Variants in PGAM1 observed in about 807,000 individuals in gnomAD.
The protein encoded by PGAM1 is BPG-dependent PGAM 1.
Under a neutral mutation model 23.5 loss-of-function variants are expected in PGAM1, and 21 were observed. The ratio of observed to expected loss-of-function variants is 0.89; its 90% CI spans 0.63 to 1.29. The LOEUF (loss-of-function observed/expected upper bound fraction) is 1.29. Ranked by LOEUF, PGAM1 falls within the 50% of genes most tolerant of loss-of-function variation. The pLI, the probability that PGAM1 is intolerant of heterozygous loss-of-function variation, is 0.00. For synonymous variants in PGAM1, 109 were observed against 128.6 expected (o/e 0.85, Z 1.03); for missense variants, 232 against 336.3 (o/e 0.69, Z 2.42).
In PGAM1 at chr10:97,426,245, G is replaced by C. The variant is rs904921323; in HGVS notation, c.-63G>C. Reference sequence around the variant, plus strand: ...GTGCGAGCGCGCAGGCGCGGCCGACGGGGCGGGCTGCTACTCCGGAATCTG... The same window carrying C: ...GTGCGAGCGCGCAGGCGCGGCCGACCGGGCGGGCTGCTACTCCGGAATCTG... On this transcript the variant is annotated 5_prime_UTR_variant, in exon 1 of 4. Transcript: ENST00000334828. 5.6e-6 allele frequency: 9 copies of C among 1,607,610 alleles called. No homozygotes were observed. The highest frequency in any genetic ancestry group is 2.2e-5 in the East Asian group (1 of 44,768).
chr10:97,429,484 T>C (rs1337671483), intron 1 of PGAM1, among the ~76,000 whole-genome samples: 3 of 152,206 alleles, frequency 2.0e-5, no homozygotes, highest in Admixed American at 6.5e-5. Flanking sequence ...GACAGATTCA[T>C]TGATGAATCA....
chr10:97,431,058 C>T lies in PGAM1; in HGVS notation c.518C>T (p.Pro173Leu). 2 of 1,614,048 alleles carry T rather than the reference C, an allele frequency of 1.2e-6. No individual in the cohort carries two copies. The highest frequency in any genetic ancestry group is 1.7e-6 in the Non-Finnish European group (2 of 1,179,998). The change falls in exon 3 of 4, where the codon CCC (proline) becomes CTC (leucine). Residue 173 changes from proline (P) to leucine (L), a missense_variant. By Grantham distance (98) the Pro-to-Leu change is moderately conservative. Coordinates refer to ENST00000334828, the MANE Select transcript of PGAM1 (RefSeq NM_002629.4). ...CCCTTCTGGAATGAAGAAATAGTTC[C>T]CCAGATCAAGGAGGGGAAACGTGTA... ...ALPFWNEEIV[P>L]QIKEGKRVLI...
chr10:97,429,891 C>G lies in PGAM1; in HGVS notation c.140-488C>G, dbSNP rs538625217. Among the ~76,000 whole-genome samples the G allele has an allele frequency of 2.2e-4, 33 of 151,894 alleles. 1 individual carries two copies. The highest frequency in any genetic ancestry group is 7.7e-4 in the African/African-American group (32 of 41,440). On this transcript the variant is annotated intron_variant, in intron 1 of 3. Coordinates refer to ENST00000334828, the MANE Select transcript of PGAM1 (RefSeq NM_002629.4). ...TGAAACCTTGTCTCTACTAAAAATA[C>G]AAAAATTAGCTGGATATGGTGGCGT... is the stretch of plus-strand genomic sequence containing the variant.
At chr10:97,427,596 G>T (rs1845424339) in intron 1 of PGAM1, 4 of 1,175,476 alleles carry the variant, frequency 3.4e-6, no homozygotes, top group Non-Finnish European at 4.3e-6. Flanking sequence ...GTAGGCTTTT[G>T]GCTAAGGACG....
rs748122826 is a variant in PGAM1, at chr10:97,430,412, C to T, written c.173C>T (p.Ser58Leu). ...AGYEFDICFT[S>L]VQKRAIRTLW... is the part of the protein sequence containing the mutation. ...TATGAGTTTGACATCTGCTTCACCT[C>T]AGTGCAGAAGAGAGCGATCCGGACC... Residue 58 changes from serine to leucine, a missense_variant, in exon 2 of 4, where the codon TCA becomes TTA. This residue lies in a region of PGAM1 where 191 missense variants were observed against 241.7 expected (regional missense o/e 0.79). Transcript: ENST00000334828. The T allele has an allele frequency of 6.2e-7, 1 of 1,611,510 alleles. No individual in the cohort carries two copies. Among genetic ancestry groups the T allele is most frequent in the Non-Finnish European group, 8.5e-7 (1 of 1,179,796 alleles).
chr10:97,429,071 C>CA (rs1845440310), intron 1 of PGAM1, among the ~76,000 whole-genome samples: 1 of 127,382 alleles, frequency 7.9e-6, no homozygotes. Context: ...TTTAATGAAA[C>CA]AAAATCAATA....
At position 97,426,229 on chromosome 10, in the gene PGAM1, C is replaced by G; in HGVS notation, c.-79C>G. The G allele has an allele frequency of 6.2e-7, 1 of 1,601,330 alleles. No individual in the cohort carries two copies. Among genetic ancestry groups the G allele is most frequent in the South Asian group, 1.1e-5 (1 of 90,478 alleles). On this transcript the variant is annotated 5_prime_UTR_variant, in exon 1 of 4. Coordinates refer to ENST00000334828, the MANE Select transcript of PGAM1 (RefSeq NM_002629.4). ...GGAGCCGGACTGAGCGGTGCGAGCG[C>G]GCAGGCGCGGCCGACGGGGCGGGCT...
rs769676447 is a variant in PGAM1, at chr10:97,432,574, T to C, written c.*50T>C. On this transcript the variant is annotated 3_prime_UTR_variant, in exon 4 of 4. Coordinates refer to ENST00000334828, the MANE Select transcript of PGAM1 (RefSeq NM_002629.4). ...CCAGGAGCACCCTCCCTGCCCGTCT[T>C]GTCCCTCTGCCCCTCCCACCTGCAC... 2.0e-5 allele frequency: 21 copies of C among 1,052,494 alleles called. No individual in the cohort carries two copies. The highest frequency in any genetic ancestry group is 1.4e-4 in the African/African-American group (9 of 63,704). 65.2% of individuals were successfully genotyped at this position (1,052,494 alleles called of 1,614,324 possible).
intron 1 of PGAM1, among the ~76,000 whole-genome samples, chr10:97,429,701 A>G (rs1845447601): frequency 6.6e-6 from 1 of 152,070 alleles, no homozygotes; most frequent in African/African-American, 2.4e-5. Flanking sequence ...ACAATTGCAA[A>G]CAAATACAAA....
intron 2 of PGAM1, 32 bp downstream of exon 2, chr10:97,430,685 C>G: frequency 1.9e-6 from 3 of 1,602,184 alleles, no homozygotes; most frequent in South Asian, 1.1e-5. Flanking sequence ...GTCACTCCGC[C>G]CAGGATCAGG....
Position 97,430,525 on chromosome 10 carries a change from A to G in PGAM1, c.286A>G (p.Thr96Ala). ...RLNERHYGGLTGLNKAETAAK... is the reference protein window; with the variant it reads ...RLNERHYGGLAGLNKAETAAK... ...CAATGAGCGGCACTATGGGGGTCTA[A>G]CCGGTCTCAATAAAGCAGAAACTGC... Residue 96 changes from threonine to alanine, a missense_variant, in exon 2 of 4, where the codon ACC becomes GCC. Transcript: ENST00000334828. The G allele has an allele frequency of 6.2e-7, 1 of 1,600,950 alleles. No homozygotes were observed. Among genetic ancestry groups the G allele is most frequent in the South Asian group, 1.1e-5 (1 of 91,038 alleles).
intron 1 of PGAM1, chr10:97,427,654 C>A (rs1845424850): frequency 8.4e-7 from 1 of 1,190,362 alleles, no homozygotes; most frequent in Non-Finnish European, 1.1e-6. Flanking sequence ...CCTATCCAGG[C>A]TTGCTCCCGC....
chr10:97,431,065 C>T lies in PGAM1; in HGVS notation c.525C>T (p.Ile175=), dbSNP rs773341718. The part of the protein sequence containing the change: ...PFWNEEIVPQ[I]KEGKRVLIAA... ...GGAATGAAGAAATAGTTCCCCAGATCAAGGAGGGGAAACGTGTACTGATTG... is the reference window on the plus strand; with the variant it reads ...GGAATGAAGAAATAGTTCCCCAGATTAAGGAGGGGAAACGTGTACTGATTG... The change falls in exon 3 of 4, where the codon ATC becomes ATT. Residue 175 remains isoleucine, a synonymous_variant. Transcript: ENST00000334828. 4.3e-6 allele frequency: 7 copies of T among 1,614,014 alleles called. No homozygotes were observed. Among genetic ancestry groups the T allele is most frequent in the South Asian group, 1.1e-5 (1 of 91,078 alleles).
At chr10:97,432,251 T>C in intron 3 of PGAM1, 104 bp from the exon 4 acceptor site, 2 of 1,482,600 alleles carry the variant, frequency 1.3e-6, no homozygotes, top group Non-Finnish European at 1.9e-6. Context: ...GGGTGTCTTA[T>C]TTTAATTTCT....
chr10:97,431,198 G>T lies in PGAM1; in HGVS notation c.595+63G>T, dbSNP rs879456613. The T allele has an allele frequency of 1.1e-4, 173 of 1,598,250 alleles. 1 individual carries two copies. The highest frequency in any genetic ancestry group is 1.4e-4 in the Non-Finnish European group (169 of 1,166,136). ...TAAAGCAGAACTGCCACAAATCAGG[G>T]ACTTGGTAAAAAGGAGTCTAGGGAA... On this transcript the variant is annotated intron_variant, in intron 3 of 3. Transcript: ENST00000334828.
rs1478524749 is a variant in PGAM1, at chr10:97,428,024, A to G, written c.139+1578A>G. 3.0e-6 allele frequency: 3 copies of G among 1,014,738 alleles called. No homozygotes were observed. The African/African-American group carries it at 5.0e-5, about 17-fold the overall frequency. 62.9% of individuals were successfully genotyped at this position (1,014,738 alleles called of 1,614,324 possible). ...TCTTTTAGGAGAGGCTGGGAAATGG[A>G]AAGTGCTGGTAAAGGAGGCCATTTT... On this transcript the variant is annotated intron_variant, in intron 1 of 3. Transcript: ENST00000334828.
rs1276966051 is a variant in PGAM1 at position 97,432,654 on chromosome 10, C to T, written c.*130C>T. ...TTGAGTTGTAGCTGCAGACGGGGAC[C>T]AGTGGCTCCCATTTTCATTTTAGCC... On this transcript the variant is annotated 3_prime_UTR_variant, in exon 4 of 4. Coordinates refer to ENST00000334828, the MANE Select transcript of PGAM1 (RefSeq NM_002629.4). 1.7e-6 allele frequency: 2 copies of T among 1,194,420 alleles called. No individual in the cohort carries two copies. The highest frequency in any genetic ancestry group is 2.5e-5 in the East Asian group (1 of 39,312). The allele number at this position is 1,194,420 out of a possible 1,614,324, so 74.0% of individuals were successfully genotyped here. A position where few individuals can be genotyped will look rare whatever the true frequency, so the allele number is the denominator to read the frequency against.
chr10:97,431,197 G>A (rs1220823437), intron 3 of PGAM1, 62 bp downstream of exon 3: 2 of 1,598,582 alleles, frequency 1.3e-6, no homozygotes, highest in Non-Finnish European at 1.7e-6. Context: ...CACAAATCAG[G>A]GACTTGGTAA....
In PGAM1 at chr10:97,430,645, A is replaced by G. The variant is rs753962147; in HGVS notation, c.406A>G (p.Ile136Val). 3.1e-6 allele frequency: 5 copies of G among 1,603,172 alleles called. No individual in the cohort carries two copies. The South Asian group carries it at 4.4e-5, about 14-fold the overall frequency. Residue 136 changes from isoleucine (I) to valine (V), a missense_variant, in exon 2 of 4, where the codon ATC (isoleucine) becomes GTC (valine). Ile to Val is a conservative substitution (Grantham distance 29). Around this residue, in one of 3 missense-constraint regions of PGAM1, gnomAD observed 191 missense variants for 241.7 expected, o/e 0.79. Coordinates refer to ENST00000334828, the MANE Select transcript of PGAM1 (RefSeq NM_002629.4). Reference protein sequence around the residue: ...MEPDHPFYSNISKDRRYADLT... With the variant: ...MEPDHPFYSNVSKDRRYADLT... The stretch of plus-strand genomic sequence containing the variant: ...GCCCGACCATCCTTTCTACAGCAAC[A>G]TCAGTAAGGTATGGACAAACAGAGG...
Sources: gnomAD v4.1 joint callset for allele counts (sites outside exome capture counted in the v4.1 genomes callset) on GRCh38, gnomAD v4.1.1 for gene constraint, gnomAD v4.1.1 regional missense constraint, MANE v1.5 for transcripts, NCBI Gene and HGNC (gene_info 2026-07-23, HGNC 2026-07-21) for gene names.